The following NRCAM variants were observed in gnomAD, a reference collection of about 807,000 sequenced individuals.
NRCAM encodes neuronal cell adhesion molecule.
A neutral mutation model predicts 156.5 loss-of-function variants in NRCAM; 83 were observed. The observed-to-expected ratio is 0.53, with a 90% CI of 0.44 to 0.64. The LOEUF (loss-of-function observed/expected upper bound fraction) is 0.64, where lower values mean the gene tolerates loss of function less well. Among genes scored for constraint, NRCAM ranks in the 30% least tolerant of loss-of-function variants. The pLI is 0.00. For missense variants in NRCAM, 1,417 were observed against 1,597.3 expected (o/e 0.89, Z 1.92); for synonymous variants, 538 against 563.9 (o/e 0.95, Z 0.65).
At chr7:108,155,257 G>C (rs867521249) in intron 32 of NRCAM, among the ~76,000 whole-genome samples, 1 of 151,372 alleles carries the variant, frequency 6.6e-6, no homozygotes, top group African/African-American at 2.4e-5. Flanking sequence ...GTTTAAGGAT[G>C]GTGTGTATCA....
chr7:108,451,970 T>G (rs1411337892), intron 1 of NRCAM, among the ~76,000 whole-genome samples: 1 of 152,192 alleles, frequency 6.6e-6, no homozygotes, highest in East Asian at 1.9e-4. Context: ...TATTTTACAA[T>G]AAAAAACTTA....
chr7:108,229,830 A>T (rs1243411812), intron 8 of NRCAM, among the ~76,000 whole-genome samples: 1 of 152,138 alleles, frequency 6.6e-6, no homozygotes, highest in African/African-American at 2.4e-5. Context: ...TGGCACAGGA[A>T]ATTTTGGAAG....
At chr7:108,414,174 A>G (rs890316479) in intron 1 of NRCAM, among the ~76,000 whole-genome samples, 1 of 152,170 alleles carries the variant, frequency 6.6e-6, no homozygotes, top group African/African-American at 2.4e-5. Context: ...AGGAGACAAG[A>G]AGGAGCTAAA....
chr7:108,288,701 T>A (rs761819302), intron 3 of NRCAM, among the ~76,000 whole-genome samples: 20 of 152,116 alleles, frequency 1.3e-4, no homozygotes, highest in Admixed American at 6.6e-4. Flanking sequence ...CTAGAATATA[T>A]TAACAATTAG....
intron 1 of NRCAM, among the ~76,000 whole-genome samples, chr7:108,441,098 G>C (rs1704530966): frequency 6.6e-6 from 1 of 152,128 alleles, no homozygotes; most frequent in African/African-American, 2.4e-5. Context: ...AACACAAAAG[G>C]AGTTGTCCAT....
intron 3 of NRCAM, among the ~76,000 whole-genome samples, chr7:108,310,266 T>C (rs2098784077): frequency 6.6e-6 from 1 of 152,168 alleles, no homozygotes; most frequent in Admixed American, 6.5e-5. Context: ...AGAAAACTCA[T>C]TTTACGAAGT....
intron 32 of NRCAM, among the ~76,000 whole-genome samples, chr7:108,154,999 C>T (rs2044126489): frequency 6.6e-6 from 1 of 150,832 alleles, no homozygotes; most frequent in African/African-American, 2.4e-5. Context: ...ACATTGTATT[C>T]AGTGAAGTTG....
At chr7:108,252,516 T>C (rs2096409147) in intron 3 of NRCAM, among the ~76,000 whole-genome samples, 2 of 152,246 alleles carry the variant, frequency 1.3e-5, no homozygotes, top group African/African-American at 4.8e-5. Context: ...TCTATTCACA[T>C]GTACTCCCAA....
chr7:108,257,016 AAAAG>A (rs1423108422), intron 3 of NRCAM, among the ~76,000 whole-genome samples: 1 of 125,994 alleles, frequency 7.9e-6, no homozygotes, highest in African/African-American at 3.5e-5. Flanking sequence ...AAAAAAAAAA[AAAAG>A]AAAAAGAAAA....
At chr7:108,262,449 G>A (rs1257530468) in intron 3 of NRCAM, among the ~76,000 whole-genome samples, 1 of 152,036 alleles carries the variant, frequency 6.6e-6, no homozygotes, top group Non-Finnish European at 1.5e-5. Context: ...CTTTATACAA[G>A]GAGGACACAG....
intron 1 of NRCAM, among the ~76,000 whole-genome samples, chr7:108,430,920 G>C (rs1824222478): frequency 6.6e-6 from 1 of 152,146 alleles, no homozygotes; most frequent in Non-Finnish European, 1.5e-5. Flanking sequence ...GTAAGGTTTT[G>C]CTTGCAGGTT....
At chr7:108,218,768 C>A (rs1408102125) in intron 11 of NRCAM, among the ~76,000 whole-genome samples, 1 of 152,048 alleles carries the variant, frequency 6.6e-6, no homozygotes. Context: ...TGAAAGGGCA[C>A]AAACTGACAT....
intron 13 of NRCAM, among the ~76,000 whole-genome samples, chr7:108,201,370 G>A (rs2078025411): frequency 6.6e-6 from 1 of 152,044 alleles, no homozygotes; most frequent in Non-Finnish European, 1.5e-5. Context: ...AGAGCTCTGG[G>A]CCGAATCTCT....
At chr7:108,410,837 G>A (rs887696190) in intron 1 of NRCAM, among the ~76,000 whole-genome samples, 10 of 152,062 alleles carry the variant, frequency 6.6e-5, no homozygotes, top group Non-Finnish European at 1.3e-4. Context: ...GTTCTATCTT[G>A]GGTCAGTATT....
chr7:108,234,727 A>C lies in NRCAM; in HGVS notation c.125-39T>G, dbSNP rs200467491. 5.2e-6 allele frequency: 7 copies of C among 1,352,424 alleles called. No individual in the cohort carries two copies. In the African/African-American group the frequency reaches 8.7e-5, roughly 17 times the overall value. 83.8% of individuals were successfully genotyped at this position (1,352,424 alleles called of 1,614,324 possible). A position where few individuals can be genotyped will look rare whatever the true frequency, so the allele number is the denominator to read the frequency against. On this transcript the variant is annotated intron_variant, in intron 5 of 32. Transcript: ENST00000379028. The stretch of plus-strand genomic sequence containing the variant: ...AAAAAAAAATGTAAAAAAACAAATT[A>C]TTTAAAATCATAATAGTAGCCATTT...
At chr7:108,390,938 C>T (rs967012688) in intron 2 of NRCAM, among the ~76,000 whole-genome samples, 1 of 152,160 alleles carries the variant, frequency 6.6e-6, no homozygotes, top group African/African-American at 2.4e-5. Context: ...GTCTGAGAGA[C>T]AGTTTGTTAT....
chr7:108,383,899 G>T (rs2099719979), intron 2 of NRCAM, among the ~76,000 whole-genome samples: 1 of 151,944 alleles, frequency 6.6e-6, no homozygotes, highest in African/African-American at 2.4e-5. Context: ...TGACCATCAT[G>T]ATAACATACC....
At chr7:108,324,877 C>CATTTTTTTTT (rs201240389) in intron 2 of NRCAM, among the ~76,000 whole-genome samples, 14 of 82,676 alleles carry the variant, frequency 1.7e-4, no homozygotes, top group African/African-American at 2.0e-4. Context: ...TGGCACTGTA[C>CATTTTTTTTT]TTTTTTTTTT....
chr7:108,308,775 T>C (rs1394773032), intron 3 of NRCAM, among the ~76,000 whole-genome samples: 1 of 151,324 alleles, frequency 6.6e-6, no homozygotes, highest in Non-Finnish European at 1.5e-5. Flanking sequence ...GTGGTGGGAG[T>C]GGTGAGAAGG....
Sources: gnomAD v4.1 joint callset for allele counts (sites outside exome capture counted in the v4.1 genomes callset) on GRCh38, gnomAD v4.1.1 for gene constraint, MANE v1.5 for transcripts, NCBI Gene and HGNC (gene_info 2026-07-23, HGNC 2026-07-21) for gene names.